ASS1: variants seen among roughly 807,000 people sequenced by gnomAD.
ASS1 encodes argininosuccinate synthase 1, also known as argininosuccinate synthase.
ASS1 carries 58 observed loss-of-function variants against 60.5 expected under a neutral mutation model. That is an observed-to-expected ratio of 0.96 (90% CI 0.78 to 1.19). The LOEUF is 1.19. ASS1 is among the 50% of genes most tolerant of loss of function. ASS1 has a pLI of 0.00. For missense variants in ASS1, 454 were observed against 547.3 expected, an observed-to-expected ratio of 0.83 and a Z score of 1.70; for synonymous variants, 200 against 206.9, an observed-to-expected ratio of 0.97 and a Z score of 0.29.
Position 130,494,973 on chromosome 9 carries a change from C to T in ASS1, c.1077C>T (p.Tyr359=), listed in dbSNP as rs750413387. ...TGTCCGTCCTCAAGGGCCAGGTGTA[C>T]ATCCTCGGCCGGGAGTCCCCACTGT... ...VQVSVLKGQV[Y]ILGRESPLSL... is the part of the protein sequence containing the mutation. Residue 359 remains tyrosine, a synonymous_variant, in exon 13 of 15, where the codon TAC becomes TAT. Transcript: ENST00000352480. The surrounding 1 kb of genome is among the most constrained non-coding windows in gnomAD (Gnocchi z 4.3). The T allele has an allele frequency of 3.7e-6, 6 of 1,613,378 alleles. No individual in the cohort carries two copies. The highest frequency in any genetic ancestry group is 1.1e-5 in the South Asian group (1 of 91,070).
At chr9:130,457,924 C>T (rs961484029) in intron 3 of ASS1, among the ~76,000 whole-genome samples, 2 of 152,034 alleles carry the variant, frequency 1.3e-5, no homozygotes, top group African/African-American at 2.4e-5. Flanking sequence ...TTTGGGAGGC[C>T]GAGGCAGCTG....
At chr9:130,466,432 C>A in intron 5 of ASS1, 1 of 506,860 alleles carries the variant, frequency 2.0e-6, no homozygotes. Flanking sequence ...AGTTCAAACT[C>A]TCAGGTCTCA....
intron 5 of ASS1, among the ~76,000 whole-genome samples, chr9:130,465,709 G>A (rs760092181): frequency 3.5e-4 from 53 of 152,230 alleles, no homozygotes; most frequent in Non-Finnish European, 6.5e-4. Context: ...CTCTTTCCCC[G>A]TCCCTTTAAC....
chr9:130,479,259 G>A (rs540626433), intron 9 of ASS1, among the ~76,000 whole-genome samples: 1 of 152,028 alleles, frequency 6.6e-6, no homozygotes, highest in East Asian at 1.9e-4. Context: ...CGCGGGGTCC[G>A]CCTGACAGAC....
At chr9:130,445,239 CGGGGGCGCG>C in intron 1 of ASS1, 1 of 810,074 alleles carries the variant, frequency 1.2e-6, no homozygotes, top group Non-Finnish European at 1.4e-6. Flanking sequence ...CGCGAGTCCC[CGGGGGCGCG>C]AGTCCCCGGG....
At chr9:130,485,951 T>C (rs1023515141) in intron 11 of ASS1, among the ~76,000 whole-genome samples, 29 of 152,170 alleles carry the variant, frequency 1.9e-4, no homozygotes, top group Non-Finnish European at 3.2e-4. Flanking sequence ...CTGGTGGCTT[T>C]TTTGGCACTG....
chr9:130,458,230 C>T (rs146409592), intron 3 of ASS1, among the ~76,000 whole-genome samples, 171 bp from the exon 4 acceptor site: 17 of 151,780 alleles, frequency 1.1e-4, no homozygotes, highest in Non-Finnish European at 2.2e-4. Flanking sequence ...AGTAACAGTG[C>T]AGTGTGCTGG....
Position 130,459,934 on chromosome 9 carries a change from C to T in ASS1, c.363+1345C>T, listed in dbSNP as rs746573476. Among the ~76,000 whole-genome samples, 6 of 152,276 alleles carry T rather than the reference C, an allele frequency of 3.9e-5. No individual in the cohort carries two copies. The highest frequency in any genetic ancestry group is 8.8e-5 in the Non-Finnish European group (6 of 68,050). The stretch of plus-strand genomic sequence containing the variant: ...CCCCTGCCTGCTGCTCTTCGGAAGG[C>T]AGTCCTTGAGAAACCAGATTCCTGA... On this transcript the variant is annotated intron_variant, in intron 4 of 14. Transcript: ENST00000352480. This position sits in a 1 kb window ranked among gnomAD's most constrained non-coding sequence, Gnocchi z 4.6.
At chr9:130,451,569 C>T in intron 1 of ASS1, 1 of 348,918 alleles carries the variant, frequency 2.9e-6, no homozygotes, top group South Asian at 2.2e-5. Context: ...TGGGGCTGGG[C>T]CCCTGCCCCA....
rs937164189 is a variant in ASS1 at position 130,478,752 on chromosome 9, G to C, written c.689-964G>C. On this transcript the variant is annotated intron_variant, in intron 9 of 14. Transcript: ENST00000352480. This position sits in a 1 kb window ranked among gnomAD's most constrained non-coding sequence, Gnocchi z 4.7. ...CGGGGGGTGGTGAGAGGGGCTTAAG[G>C]TTCATTATTGGGCAGACTTACATTT... is the stretch of plus-strand genomic sequence containing the variant. 1.3e-5 allele frequency among the ~76,000 whole-genome samples: 2 copies of C among 152,110 alleles called. No homozygotes were observed. The highest frequency in any genetic ancestry group is 2.4e-5 in the African/African-American group (1 of 41,416).
In ASS1 at chr9:130,478,891, G is replaced by A. The variant is rs963338847; in HGVS notation, c.689-825G>A. On this transcript the variant is annotated intron_variant, in intron 9 of 14. Transcript: ENST00000352480. This position sits in a 1 kb window ranked among gnomAD's most constrained non-coding sequence, Gnocchi z 4.7. ...AGCGGCGCCTGGCTAATAAAGCCTC[G>A]AAAGCCGCTATTGAGGCCTGATTGG... is the stretch of plus-strand genomic sequence containing the variant. Among the ~76,000 whole-genome samples, 6 of 152,190 alleles carry A rather than the reference G, an allele frequency of 3.9e-5. No homozygotes were observed. Among genetic ancestry groups the A allele is most frequent in the African/African-American group, 1.2e-4 (5 of 41,440 alleles).
chr9:130,465,623 G>C (rs1845720822), intron 5 of ASS1, among the ~76,000 whole-genome samples: 1 of 152,224 alleles, frequency 6.6e-6, no homozygotes, highest in Non-Finnish European at 1.5e-5. Context: ...TTGGGCTCAA[G>C]CTCTGGAAGA....
chr9:130,484,799 GCACACA>G (rs3030699), intron 11 of ASS1, among the ~76,000 whole-genome samples: 15,664 of 146,628 alleles, frequency 0.11, 973 homozygotes, highest in Middle Eastern at 0.17. Context: ...AGCTTTAAAC[GCACACA>G]CACACACACA....
At chr9:130,455,066 TCCATTCAC>T (rs1845417027) in intron 3 of ASS1, among the ~76,000 whole-genome samples, 1 of 150,204 alleles carries the variant, frequency 6.7e-6, no homozygotes, top group African/African-American at 2.5e-5. Context: ...CATCCATCCA[TCCATTCAC>T]CCATCATCCA....
intron 1 of ASS1, among the ~76,000 whole-genome samples, chr9:130,450,527 T>C (rs1477562206): frequency 6.6e-6 from 1 of 152,148 alleles, no homozygotes; most frequent in African/African-American, 2.4e-5. Flanking sequence ...ACCAGAACCA[T>C]CTTCTCTGCC....
intron 5 of ASS1, 36 bp from the exon 6 acceptor site, chr9:130,466,689 G>C: frequency 6.2e-7 from 1 of 1,601,510 alleles, no homozygotes; most frequent in South Asian, 1.1e-5. Flanking sequence ...CCCACAGCTC[G>C]GCCCTCCCGG....
At chr9:130,456,420 C>T (rs1005113695) in intron 3 of ASS1, among the ~76,000 whole-genome samples, 3 of 151,484 alleles carry the variant, frequency 2.0e-5, no homozygotes, top group African/African-American at 7.3e-5. Flanking sequence ...AAGCTGAAAT[C>T]ACACCATTGC....
chr9:130,480,102 A>G (rs1564156120), intron 10 of ASS1, among the ~76,000 whole-genome samples: 1 of 152,220 alleles, frequency 6.6e-6, no homozygotes, highest in Non-Finnish European at 1.5e-5. Flanking sequence ...AGGGAGCAGT[A>G]GTTAGCTGTG....
In ASS1 at chr9:130,471,532, C is replaced by G. The variant is rs551393780; in HGVS notation, c.597+17C>G. ...AACCCCAAGGTAATCCCCCAAACCC[C>G]ATCTCCTCCCAGCTGGCCACCTTTG... is the stretch of plus-strand genomic sequence containing the variant. On this transcript the variant is annotated intron_variant, in intron 8 of 14. Transcript: ENST00000352480. 4 of 1,612,088 alleles carry G rather than the reference C, an allele frequency of 2.5e-6. No individual in the cohort carries two copies. In the South Asian group the frequency reaches 3.3e-5, roughly 13 times the overall value.
Sources: gnomAD v4.1 joint callset for allele counts (sites outside exome capture counted in the v4.1 genomes callset) on GRCh38, gnomAD v4.1.1 for gene constraint, Gnocchi (gnomAD v3.1) non-coding constraint, MANE v1.5 for transcripts, NCBI Gene and HGNC (gene_info 2026-07-23, HGNC 2026-07-21) for gene names.